GABRA2: variants seen among roughly 807,000 people sequenced by gnomAD.
GABRA2 encodes gamma-aminobutyric acid receptor subunit alpha-2.
GABRA2 carries 16 observed loss-of-function variants against 48.7 expected under a neutral mutation model. That is an observed-to-expected ratio of 0.33 (90% CI 0.22 to 0.50). GABRA2 has a LOEUF of 0.50. Ranked by LOEUF, GABRA2 falls within the 20% of genes least tolerant of loss-of-function variation. The pLI is 0.98. For missense variants in GABRA2, 275 were observed against 535.6 expected, an observed-to-expected ratio of 0.51 and a Z score of 4.80; for synonymous variants, 185 against 184.5, an observed-to-expected ratio of 1.00 and a Z score of -0.02.
At chr4:46,256,924 T>A (rs1715952894) in intron 9 of GABRA2, among the ~76,000 whole-genome samples, 1 of 151,696 alleles carries the variant, frequency 6.6e-6, no homozygotes, top group Non-Finnish European at 1.5e-5. Context: ...GAGTAAATTA[T>A]TATCTAGTGT....
At chr4:46,334,904 C>G (rs1187448260) in intron 3 of GABRA2, among the ~76,000 whole-genome samples, 2 of 152,166 alleles carry the variant, frequency 1.3e-5, no homozygotes, top group African/African-American at 2.4e-5. Flanking sequence ...TGACGATGAA[C>G]ATCCAATAGT....
At chr4:46,271,001 A>T (rs1045490179) in intron 8 of GABRA2, among the ~76,000 whole-genome samples, 1 of 151,810 alleles carries the variant, frequency 6.6e-6, no homozygotes, top group East Asian at 1.9e-4. Context: ...ATATAAAAAA[A>T]AAAAAATACT....
intron 8 of GABRA2, among the ~76,000 whole-genome samples, chr4:46,280,051 T>A (rs2350766): frequency 0.6 from 89,972 of 150,770 alleles, 27,318 homozygotes; most frequent in South Asian, 0.75. Context: ...CAAGTTTTTT[T>A]TTAAAAAATG....
At position 46,330,563 on chromosome 4, in the gene GABRA2, CATATAT is replaced by C. The variant is rs71955894; in HGVS notation, c.255+2046_255+2051del. Among the ~76,000 whole-genome samples the C allele has an allele frequency of 4.1e-3, 529 of 128,270 alleles. 6 individuals are homozygous for C. The highest frequency in any genetic ancestry group is 0.011 in the African/African-American group (402 of 36,034). The allele number at this position is 128,270 out of a possible 152,430, so 84.2% of individuals were successfully genotyped here. On this transcript the variant is annotated intron_variant, in intron 4 of 9. Coordinates refer to ENST00000381620, the MANE Select transcript of GABRA2 (RefSeq NM_000807.4). The stretch of plus-strand genomic sequence containing the variant: ...GTTTGCATTTATGTATGTATATATG[CATATAT>C]ATATATATATATATATATATATAGA...
chr4:46,342,675 T>A (rs1578114912), intron 3 of GABRA2, among the ~76,000 whole-genome samples: 1 of 152,014 alleles, frequency 6.6e-6, no homozygotes, highest in East Asian at 1.9e-4. Context: ...AGAGAAAAGG[T>A]CTTACTCTGG....
rs1713825495 is a variant in GABRA2 at position 46,246,963 on chromosome 4, G to A, written c.*3345C>T. On this transcript the variant is annotated 3_prime_UTR_variant, in exon 10 of 10. Coordinates refer to ENST00000381620, the MANE Select transcript of GABRA2 (RefSeq NM_000807.4). Reference sequence around the variant, plus strand: ...CCATGATTATATCATGGCAGGGTTTGTGTCCCTCAACCAGGAATTCAAAAA... The same window carrying A: ...CCATGATTATATCATGGCAGGGTTTATGTCCCTCAACCAGGAATTCAAAAA... Among the ~76,000 whole-genome samples the A allele has an allele frequency of 6.6e-6, 1 of 151,028 alleles. No homozygotes were observed. The highest frequency in any genetic ancestry group is 2.1e-4 in the South Asian group (1 of 4,814).
chr4:46,264,363 G>A (rs1478312269), intron 8 of GABRA2, among the ~76,000 whole-genome samples: 1 of 152,056 alleles, frequency 6.6e-6, no homozygotes, highest in Admixed American at 6.6e-5. Flanking sequence ...ACGTTGAATA[G>A]AATTGGTGAG....
At chr4:46,305,073 A>T (rs550943409) in intron 7 of GABRA2, among the ~76,000 whole-genome samples, 1 of 151,894 alleles carries the variant, frequency 6.6e-6, no homozygotes, top group African/African-American at 2.4e-5. Context: ...TCTTGTTAAA[A>T]TGTAGATTCT....
chr4:46,327,108 T>G (rs2109783409), intron 4 of GABRA2, among the ~76,000 whole-genome samples: 1 of 152,056 alleles, frequency 6.6e-6, no homozygotes, highest in East Asian at 1.9e-4. Context: ...CTAGTCTTCC[T>G]TTTCCCTATC....
chr4:46,368,848 C>T, intron 3 of GABRA2: 1 of 476,428 alleles, frequency 2.1e-6, no homozygotes, highest in East Asian at 3.1e-5. Flanking sequence ...TAAAACTCAA[C>T]CCCCTTCATA....
chr4:46,255,159 T>C (rs1362681580), intron 9 of GABRA2, among the ~76,000 whole-genome samples: 1 of 151,632 alleles, frequency 6.6e-6, no homozygotes, highest in Non-Finnish European at 1.5e-5. Context: ...AGACTGTGTA[T>C]TGCAGAGTTC....
chr4:46,324,249 G>A (rs1729944593), intron 4 of GABRA2, among the ~76,000 whole-genome samples: 1 of 151,832 alleles, frequency 6.6e-6, no homozygotes, highest in Non-Finnish European at 1.5e-5. Context: ...CTTTTGTAAT[G>A]CTCTCTTGTA....
At chr4:46,312,464 A>G (rs1435953613) in intron 5 of GABRA2, 32 bp downstream of exon 5, 4 of 1,446,152 alleles carry the variant, frequency 2.8e-6, no homozygotes, top group Non-Finnish European at 3.9e-6. Flanking sequence ...TTCTCAGTAT[A>G]TAAATACATC....
chr4:46,329,749 G>C (rs1431492519), intron 4 of GABRA2, among the ~76,000 whole-genome samples: 1 of 152,066 alleles, frequency 6.6e-6, no homozygotes, highest in Non-Finnish European at 1.5e-5. Context: ...GATGTCCTGT[G>C]ACTGGACTGT....
In GABRA2 at chr4:46,390,034, A is replaced by AACGATG; in HGVS notation, c.-316_-311dup. On this transcript the variant is annotated 5_prime_UTR_variant, in exon 1 of 10. Transcript: ENST00000381620. The stretch of plus-strand genomic sequence containing the variant: ...GGAGGAGGAAGAGGAGGAGGGGGAA[A>AACGATG]ACGATGACAGGAGCTGGGGCCGGGG... 2.6e-6 allele frequency: 1 copy of AACGATG among 388,194 alleles called. No homozygotes were observed. Among genetic ancestry groups the AACGATG allele is most frequent in the Middle Eastern group, 1.4e-3 (1 of 692 alleles). The allele number at this position is 388,194 out of a possible 1,614,324, so 24.0% of individuals were successfully genotyped here.
chr4:46,281,460 C>T (rs1249517244), intron 8 of GABRA2, among the ~76,000 whole-genome samples: 1 of 152,012 alleles, frequency 6.6e-6, no homozygotes, highest in Non-Finnish European at 1.5e-5. Flanking sequence ...ACTAAGAAGG[C>T]ATGAAAAGTT....
At chr4:46,339,504 T>G (rs1315414043) in intron 3 of GABRA2, among the ~76,000 whole-genome samples, 1 of 151,880 alleles carries the variant, frequency 6.6e-6, no homozygotes, top group African/African-American at 2.4e-5. Context: ...TTACTCTTAG[T>G]TCACAGTCAT....
At chr4:46,380,422 AT>A (rs1716602720) in intron 3 of GABRA2, among the ~76,000 whole-genome samples, 1 of 152,208 alleles carries the variant, frequency 6.6e-6, no homozygotes, top group Non-Finnish European at 1.5e-5. Flanking sequence ...GCTTTTATAA[AT>A]TAAATGCGAC....
intron 4 of GABRA2, among the ~76,000 whole-genome samples, chr4:46,321,478 T>A (rs1025589219): frequency 1.3e-5 from 2 of 151,996 alleles, no homozygotes; most frequent in Admixed American, 1.3e-4. Flanking sequence ...TAAATGTGCA[T>A]AATAAAAAAT....
Sources: gnomAD v4.1 joint callset for allele counts (sites outside exome capture counted in the v4.1 genomes callset) on GRCh38, gnomAD v4.1.1 for gene constraint, MANE v1.5 for transcripts, NCBI Gene and HGNC (gene_info 2026-07-23, HGNC 2026-07-21) for gene names.